SPOP: variants seen among roughly 807,000 people sequenced by gnomAD.
The protein encoded by SPOP is speckle-type POZ protein.
SPOP carries 11 observed loss-of-function variants against 45.6 expected under a neutral mutation model. That is an observed-to-expected ratio of 0.24 (90% CI 0.15 to 0.40). SPOP has a LOEUF of 0.40. Ranked by LOEUF, SPOP falls within the 10% of genes least tolerant of loss-of-function variation. The pLI is 1.00. For missense variants in SPOP, 152 were observed against 465.6 expected (o/e 0.33, Z 6.20); for synonymous variants, 166 against 166.3 (o/e 1.00, Z 0.01).
Position 49,641,775 on chromosome 17 carries a change from G to A in SPOP, c.-66-18899C>T, listed in dbSNP as rs62079294. Among the ~76,000 whole-genome samples, 195 of 152,122 alleles carry A rather than the reference G, an allele frequency of 1.3e-3. 2 individuals are homozygous for A. The highest frequency in any genetic ancestry group is 0.01 in the Middle Eastern group (3 of 294). On this transcript the variant is annotated intron_variant, in intron 1 of 9. Coordinates refer to ENST00000504102, the MANE Select transcript of SPOP (RefSeq NM_001007228.2). The stretch of plus-strand genomic sequence containing the variant: ...GGTGGCTCACGCCTAAAATCCCAGC[G>A]CTTTGGGAGGCCGAGGTGGGTGGAT...
At chr17:49,672,139 CAA>C (rs550827919) in intron 1 of SPOP, among the ~76,000 whole-genome samples, 1 of 148,494 alleles carries the variant, frequency 6.7e-6, no homozygotes, top group South Asian at 2.1e-4. Context: ...GACTCCATCT[CAA>C]AAAAAAAATT....
chr17:49,617,092 A>G (rs1335191488), intron 5 of SPOP, among the ~76,000 whole-genome samples: 1 of 152,156 alleles, frequency 6.6e-6, no homozygotes, highest in African/African-American at 2.4e-5. Context: ...ATGGATTGGG[A>G]AGAGAGGGGG....
chr17:49,620,759 C>T (rs1220600128), intron 3 of SPOP: 2 of 154,128 alleles, frequency 1.3e-5, no homozygotes, highest in Non-Finnish European at 2.9e-5. Context: ...GTTTCAGGCA[C>T]TGCTTCTACC....
intron 6 of SPOP, 141 bp from the exon 7 acceptor site, chr17:49,608,070 C>G (rs1271547035): frequency 7.4e-6 from 4 of 543,758 alleles, no homozygotes; most frequent in Non-Finnish European, 1.2e-5. Context: ...ATCAGAATTA[C>G]AAAATTCCTT....
chr17:49,647,154 G>T (rs1372090154), intron 1 of SPOP, among the ~76,000 whole-genome samples: 1 of 151,424 alleles, frequency 6.6e-6, no homozygotes, highest in Non-Finnish European at 1.5e-5. Context: ...AAATTAGCCA[G>T]GTGTGGTGGT....
At chr17:49,667,531 G>A (rs1335222817) in intron 1 of SPOP, among the ~76,000 whole-genome samples, 3 of 152,166 alleles carry the variant, frequency 2.0e-5, no homozygotes, top group Non-Finnish European at 4.4e-5. Context: ...AGAGGCTGTA[G>A]TGCACCAAGA....
chr17:49,664,537 C>T (rs955792736), intron 1 of SPOP, among the ~76,000 whole-genome samples: 5 of 151,962 alleles, frequency 3.3e-5, no homozygotes, highest in African/African-American at 9.7e-5. Context: ...ATTTATATAA[C>T]CCACATAAAC....
chr17:49,600,384 T>C lies in SPOP; in HGVS notation c.1119A>G (p.Gln373=), dbSNP rs1172810936. 9 of 1,613,896 alleles carry C rather than the reference T, an allele frequency of 5.6e-6. No homozygotes were observed. The highest frequency in any genetic ancestry group is 1.7e-5 in the Admixed American group (1 of 59,994). Residue 373 remains glutamine (Q), a synonymous_variant, in exon 10 of 10, where the codon CAA becomes CAG. Transcript: ENST00000504102. The surrounding 1 kb of genome is among the most constrained non-coding windows in gnomAD (Gnocchi z 4.2). ...FLGPPRKRLK[Q]S ...TCTTACAACAAGCAGGATCTTAGGATTGCTTCAGGCGTTTGCGTGGGGGTC... is the reference window on the plus strand; with the variant it reads ...TCTTACAACAAGCAGGATCTTAGGACTGCTTCAGGCGTTTGCGTGGGGGTC...
chr17:49,641,263 CAAAAAAAA>C (rs34207707), intron 1 of SPOP, among the ~76,000 whole-genome samples: 30 of 47,564 alleles, frequency 6.3e-4, no homozygotes, highest in East Asian at 1.6e-3. Flanking sequence ...ACTCTGTCTC[CAAAAAAAA>C]AAAAAAAAAA....
intron 5 of SPOP, among the ~76,000 whole-genome samples, chr17:49,613,667 G>C (rs904894629): frequency 6.6e-6 from 1 of 152,188 alleles, no homozygotes; most frequent in Admixed American, 6.6e-5. Context: ...AGCCAGGCTT[G>C]TTCTGTAGAT....
At chr17:49,661,079 T>C (rs1271528533) in intron 1 of SPOP, among the ~76,000 whole-genome samples, 3 of 152,218 alleles carry the variant, frequency 2.0e-5, no homozygotes, top group Admixed American at 6.5e-5. Flanking sequence ...GAGTGGGGAT[T>C]TTCTATGAGG....
chr17:49,655,228 C>A (rs1056275759), intron 1 of SPOP, among the ~76,000 whole-genome samples: 30 of 152,166 alleles, frequency 2.0e-4, no homozygotes, highest in South Asian at 1.0e-3. Flanking sequence ...AAAAGAAATT[C>A]TTGCCGGGCG....
intron 5 of SPOP, among the ~76,000 whole-genome samples, chr17:49,617,977 G>A (rs999500688): frequency 9.3e-5 from 14 of 150,498 alleles, no homozygotes; most frequent in East Asian, 3.9e-4. Context: ...GCTACCGACC[G>A]CTAGGCCTTT....
intron 1 of SPOP, among the ~76,000 whole-genome samples, chr17:49,637,766 G>A (rs368713822): frequency 2.6e-5 from 4 of 152,200 alleles, no homozygotes; most frequent in Admixed American, 2.0e-4. Context: ...TTCACAAAAT[G>A]CTTAAAGAAT....
intron 1 of SPOP, among the ~76,000 whole-genome samples, chr17:49,661,594 AT>A (rs1369516794): frequency 6.6e-6 from 1 of 152,192 alleles, no homozygotes; most frequent in Admixed American, 6.5e-5. Flanking sequence ...TACTGCTTTA[AT>A]CCCCCACTCA....
chr17:49,600,720 G>A lies in SPOP; in HGVS notation c.981-198C>T. On this transcript the variant is annotated intron_variant, in intron 9 of 9. Transcript: ENST00000504102. The surrounding 1 kb of genome is among the most constrained non-coding windows in gnomAD (Gnocchi z 4.2). ...GACTTGCCTGTGGCTGTCGTCATCT[G>A]AAAACCAAGACTTTGAGCCACTATA... 3.4e-6 allele frequency: 2 copies of A among 592,320 alleles called. No individual in the cohort carries two copies. The highest frequency in any genetic ancestry group is 5.7e-5 in the East Asian group (2 of 35,122). The allele number at this position is 592,320 out of a possible 1,614,324, so 36.7% of individuals were successfully genotyped here. A position where few individuals can be genotyped will look rare whatever the true frequency, so the allele number is the denominator to read the frequency against.
intron 1 of SPOP, among the ~76,000 whole-genome samples, chr17:49,652,530 A>G (rs2072856652): frequency 6.6e-6 from 1 of 152,200 alleles, no homozygotes; most frequent in Middle Eastern, 3.2e-3. Flanking sequence ...AGAGTAACTC[A>G]TATGTTCAAG....
At chr17:49,654,783 T>C (rs2072886087) in intron 1 of SPOP, among the ~76,000 whole-genome samples, 1 of 152,142 alleles carries the variant, frequency 6.6e-6, no homozygotes, top group South Asian at 2.1e-4. Flanking sequence ...AGACTCTGTC[T>C]CAAAAAAGTA....
In SPOP at chr17:49,622,304, A is replaced by G. The variant is rs754890157; in HGVS notation, c.79-237T>C. On this transcript the variant is annotated intron_variant, in intron 2 of 9. Coordinates refer to ENST00000504102, the MANE Select transcript of SPOP (RefSeq NM_001007228.2). ...GAACACTGGATGGAAAGTGAGAGAAACATACAGGAAAAACAGAAACAAAAA... is the reference window on the plus strand; with the variant it reads ...GAACACTGGATGGAAAGTGAGAGAAGCATACAGGAAAAACAGAAACAAAAA... 4.9e-6 allele frequency: 3 copies of G among 611,674 alleles called. No individual in the cohort carries two copies. The African/African-American group carries it at 5.4e-5, about 11-fold the overall frequency. 37.9% of individuals were successfully genotyped at this position (611,674 alleles called of 1,614,324 possible).
Sources: allele counts gnomAD v4.1 joint callset (sites outside exome capture counted in the v4.1 genomes callset), GRCh38; gene constraint gnomAD v4.1.1; non-coding constraint Gnocchi (gnomAD v3.1); transcripts MANE v1.5; gene names NCBI Gene and HGNC (gene_info 2026-07-23, HGNC 2026-07-21).